Variants in SLC35F4 observed in about 807,000 individuals in gnomAD.
SLC35F4 encodes solute carrier family 35 member F4, also known as chromosome 14 open reading frame 36.
SLC35F4 carries 24 observed loss-of-function variants against 44.2 expected under a neutral mutation model. The observed-to-expected ratio is 0.54, with a 90% CI of 0.39 to 0.76. SLC35F4 has a LOEUF of 0.76. Ranked by LOEUF, SLC35F4 falls within the 30% of genes least tolerant of loss-of-function variation. The pLI is 0.00. For missense variants in SLC35F4, 562 were observed against 586.1 expected (o/e 0.96, Z 0.42); for synonymous variants, 238 against 223.6 (o/e 1.06, Z -0.57).
chr14:57,913,187 C>A (rs1263827815), intron 1 of SLC35F4, among the ~76,000 whole-genome samples: 3 of 152,002 alleles, frequency 2.0e-5, no homozygotes, highest in Non-Finnish European at 2.9e-5. Flanking sequence ...TTGAAGACAA[C>A]ATAAAGATGG....
At chr14:57,835,920 G>C (rs192374482) in intron 1 of SLC35F4, among the ~76,000 whole-genome samples, 1 of 152,176 alleles carries the variant, frequency 6.6e-6, no homozygotes, top group Non-Finnish European at 1.5e-5. Flanking sequence ...TTTGGGCTGA[G>C]AGTTAAAGAA....
rs17093977 is a variant in SLC35F4 at position 57,939,716 on chromosome 14, T to A, written n.282+42197A>T. ...TGTGGAATTGAATTGGACAGTTAAATCATTTTCCCCAATGGGCTGGGAGTT... is the reference window on the plus strand; with the variant it reads ...TGTGGAATTGAATTGGACAGTTAAAACATTTTCCCCAATGGGCTGGGAGTT... On this transcript the variant is annotated intron_variant and non_coding_transcript_variant, in intron 1 of 1. Transcript: ENST00000556568. Among the ~76,000 whole-genome samples, 2,981 of 152,322 alleles carry A rather than the reference T, an allele frequency of 0.02. 306 individuals carry two copies. The East Asian group carries it at 0.33, about 17-fold the overall frequency.
chr14:57,581,582 G>T, intron 3 of SLC35F4, 149 bp from the exon 4 acceptor site: 1 of 725,040 alleles, frequency 1.4e-6, no homozygotes, highest in Non-Finnish European at 2.2e-6. Context: ...TCTGAAATCT[G>T]CGGGCTTCAG....
intron 1 of SLC35F4, among the ~76,000 whole-genome samples, chr14:57,887,884 TGCACATGCACAC>T (rs1001569716): frequency 2.0e-5 from 3 of 152,274 alleles, no homozygotes; most frequent in Admixed American, 6.5e-5. Context: ...CACACACACA[TGCACATGCACAC>T]GCACATGCAC....
At chr14:57,708,560 AG>A (rs746276195) in intron 1 of SLC35F4, among the ~76,000 whole-genome samples, 2 of 152,256 alleles carry the variant, frequency 1.3e-5, no homozygotes, top group African/African-American at 2.4e-5. Flanking sequence ...AATGAAGTCC[AG>A]GCTGAGGTGT....
At chr14:57,936,603 T>A (rs1889800909) in intron 1 of SLC35F4, among the ~76,000 whole-genome samples, 1 of 152,064 alleles carries the variant, frequency 6.6e-6, no homozygotes, top group Admixed American at 6.6e-5. Flanking sequence ...ATCTAGTGGG[T>A]AGAGGGAGGT....
At chr14:57,695,574 G>A (rs1197459412) in intron 1 of SLC35F4, among the ~76,000 whole-genome samples, 1 of 151,590 alleles carries the variant, frequency 6.6e-6, no homozygotes, top group African/African-American at 2.4e-5. Context: ...CTGTTGGTGG[G>A]ACTGTAAACT....
chr14:57,588,620 G>T (rs1053344654), intron 3 of SLC35F4, among the ~76,000 whole-genome samples: 51 of 152,252 alleles, frequency 3.3e-4, no homozygotes, highest in South Asian at 2.1e-3. Context: ...ACTGTTCATG[G>T]TTAGCAAGGA....
At chr14:57,793,687 T>A (rs1207422650) in intron 1 of SLC35F4, among the ~76,000 whole-genome samples, 2 of 152,174 alleles carry the variant, frequency 1.3e-5, no homozygotes, top group African/African-American at 2.4e-5. Context: ...AATAAACATA[T>A]GTGTCCAGGT....
chr14:57,783,441 A>G (rs2077678377), intron 1 of SLC35F4, among the ~76,000 whole-genome samples: 1 of 152,184 alleles, frequency 6.6e-6, no homozygotes, highest in African/African-American at 2.4e-5. Flanking sequence ...TAAGAAAGAG[A>G]AGCGAGCACC....
intron 1 of SLC35F4, among the ~76,000 whole-genome samples, chr14:57,906,740 A>G (rs1376576320): frequency 6.6e-6 from 1 of 152,238 alleles, no homozygotes; most frequent in Non-Finnish European, 1.5e-5. Flanking sequence ...CTTATTCATA[A>G]TATTGTCAAA....
chr14:57,573,897 G>A (rs888076800), intron 4 of SLC35F4, among the ~76,000 whole-genome samples: 4 of 152,232 alleles, frequency 2.6e-5, no homozygotes, highest in South Asian at 2.1e-4. Flanking sequence ...ATAAACAAGC[G>A]GTTACTTGAA....
intron 1 of SLC35F4, among the ~76,000 whole-genome samples, chr14:57,720,350 G>A (rs2076052943): frequency 6.6e-6 from 1 of 152,086 alleles, no homozygotes; most frequent in South Asian, 2.1e-4. Flanking sequence ...GCCTCATAGA[G>A]TGAGTTTGGA....
rs115095352 is a variant in SLC35F4, at chr14:57,877,326, C to T, written n.282+104587G>A. Among the ~76,000 whole-genome samples the T allele has an allele frequency of 8.6e-3, 1,304 of 152,128 alleles. 5 individuals carry two copies. Among genetic ancestry groups the T allele is most frequent in the Middle Eastern group, 0.017 (5 of 294 alleles). On this transcript the variant is annotated intron_variant and non_coding_transcript_variant, in intron 1 of 1. Transcript: ENST00000556568. ...CCTCCATCCATGTTGTTGCAAAAGACATAATCTTGTTCTTTTTGATGACTC... is the reference window on the plus strand; with the variant it reads ...CCTCCATCCATGTTGTTGCAAAAGATATAATCTTGTTCTTTTTGATGACTC...
intron 1 of SLC35F4, chr14:57,596,910 A>T: frequency 7.3e-7 from 1 of 1,364,384 alleles, no homozygotes. Flanking sequence ...CAGACATTTT[A>T]ATCACTGTCT....
intron 1 of SLC35F4, among the ~76,000 whole-genome samples, chr14:57,829,819 G>A (rs192831546): frequency 6.6e-6 from 1 of 152,100 alleles, no homozygotes; most frequent in Non-Finnish European, 1.5e-5. Flanking sequence ...TTCAAAGAAG[G>A]CCGTGAATAT....
chr14:57,594,224 C>A, intron 1 of SLC35F4, 100 bp from the exon 2 acceptor site: 1 of 1,194,104 alleles, frequency 8.4e-7, no homozygotes, highest in South Asian at 1.6e-5. Flanking sequence ...GGGTCTCACT[C>A]TGTCACCCAG....
At chr14:57,743,005 A>C (rs1016858371) in intron 1 of SLC35F4, among the ~76,000 whole-genome samples, 1 of 152,238 alleles carries the variant, frequency 6.6e-6, no homozygotes, top group Non-Finnish European at 1.5e-5. Flanking sequence ...GCAGAAATAA[A>C]GATGTTCTTT....
chr14:57,943,746 T>C (rs1303135600), intron 1 of SLC35F4, among the ~76,000 whole-genome samples: 1 of 152,224 alleles, frequency 6.6e-6, no homozygotes, highest in East Asian at 1.9e-4. Flanking sequence ...TAACCGCCAG[T>C]GCTGGTTCTA....
Sources: allele counts gnomAD v4.1 joint callset (sites outside exome capture counted in the v4.1 genomes callset), GRCh38; gene constraint gnomAD v4.1.1; transcripts MANE v1.5; gene names NCBI Gene and HGNC (gene_info 2026-07-23, HGNC 2026-07-21).